Variants in LYPLA1 observed in about 807,000 individuals in gnomAD.
LYPLA1 encodes the protein acyl-protein thioesterase 1.
A neutral mutation model predicts 34.0 loss-of-function variants in LYPLA1; 17 were observed. The observed-to-expected ratio is 0.50, with a 90% CI of 0.34 to 0.75. LYPLA1 has a LOEUF of 0.75. Among genes scored for constraint, LYPLA1 ranks in the 30% least tolerant of loss-of-function variants. LYPLA1 has a pLI of 0.01. For missense variants in LYPLA1, 203 were observed against 288.8 expected (o/e 0.70, Z 2.15); for synonymous variants, 98 against 100.8 (o/e 0.97, Z 0.17).
intron 2 of LYPLA1, among the ~76,000 whole-genome samples, chr8:54,092,068 T>C (rs1809320827): frequency 6.7e-6 from 1 of 149,364 alleles, no homozygotes. Flanking sequence ...AGAGACCCTG[T>C]CGAAGCAAGG....
chr8:54,090,613 T>C (rs565399108), intron 2 of LYPLA1, among the ~76,000 whole-genome samples: 4 of 152,314 alleles, frequency 2.6e-5, no homozygotes, highest in South Asian at 4.1e-4. Context: ...AATGCTGGTA[T>C]ATCCAGTGCA....
intron 7 of LYPLA1, among the ~76,000 whole-genome samples, chr8:54,051,944 G>A (rs1329222226): frequency 6.6e-6 from 1 of 151,090 alleles, no homozygotes; most frequent in Non-Finnish European, 1.5e-5. Flanking sequence ...TCCACCTCCT[G>A]GGTTCAAGTG....
At chr8:54,051,259 T>C (rs1226454059) in intron 7 of LYPLA1, 71 bp from the exon 8 acceptor site, 5 of 1,327,520 alleles carry the variant, frequency 3.8e-6, no homozygotes, top group African/African-American at 3.0e-5. Context: ...GCATTTAAAA[T>C]TGTACATAAA....
chr8:54,087,549 G>A (rs1563653105), intron 2 of LYPLA1, among the ~76,000 whole-genome samples: 1 of 152,230 alleles, frequency 6.6e-6, no homozygotes, highest in Non-Finnish European at 1.5e-5. Flanking sequence ...CTGTTGTGCT[G>A]CAAAACATAC....
intron 6 of LYPLA1, among the ~76,000 whole-genome samples, chr8:54,054,196 T>A (rs762941848): frequency 2.6e-5 from 4 of 152,176 alleles, no homozygotes; most frequent in Non-Finnish European, 4.4e-5. Context: ...TTGGCTGGGC[T>A]GGTCTCGAAC....
At chr8:54,060,958 G>A (rs1484698174) in intron 5 of LYPLA1, among the ~76,000 whole-genome samples, 1 of 151,944 alleles carries the variant, frequency 6.6e-6, no homozygotes, top group South Asian at 2.1e-4. Context: ...GCCTCTCAAA[G>A]TGCTGGGGTT....
chr8:54,055,089 T>C lies in LYPLA1; in HGVS notation c.331A>G (p.Asn111Asp), dbSNP rs753949393. The change falls in exon 6 of 9, where the codon AAC (asparagine) becomes GAC (aspartate). Residue 111 changes from asparagine to aspartate, a missense_variant. Around this residue, in one of 3 missense-constraint regions of LYPLA1, gnomAD observed 123 missense variants for 199.2 expected, o/e 0.62. Coordinates refer to ENST00000316963, the MANE Select transcript of LYPLA1 (RefSeq NM_006330.4). ...GAAAACCCTCCCAAAATAATTCTGTTAGAAGGAATGCCATTCTTCACTTCT... is the reference window on the plus strand; with the variant it reads ...GAAAACCCTCCCAAAATAATTCTGTCAGAAGGAATGCCATTCTTCACTTCT... ...DQEVKNGIPS[N>D]RIILGGFSQG... 6.2e-7 allele frequency: 1 copy of C among 1,610,050 alleles called. No homozygotes were observed. Among genetic ancestry groups the C allele is most frequent in the Non-Finnish European group, 8.5e-7 (1 of 1,176,902 alleles).
At chr8:54,046,342 A>G (rs1363378668), downstream of LYPLA1, 2 of 152,614 alleles carry the variant, frequency 1.3e-5, no homozygotes, top group African/African-American at 4.8e-5. Context: ...AAATGTTAAC[A>G]TTCCAAATAT....
intron 2 of LYPLA1, among the ~76,000 whole-genome samples, chr8:54,079,954 A>G (rs1280588267): frequency 6.6e-6 from 1 of 152,146 alleles, no homozygotes; most frequent in East Asian, 1.9e-4. Flanking sequence ...TTCTAAGTAT[A>G]TCGTTACTAT....
intron 5 of LYPLA1, among the ~76,000 whole-genome samples, chr8:54,056,742 G>T (rs530828086): frequency 6.6e-6 from 1 of 152,088 alleles, no homozygotes; most frequent in Non-Finnish European, 1.5e-5. Flanking sequence ...GTGAAACCCC[G>T]TATCTACTAC....
intron 8 of LYPLA1, 124 bp downstream of exon 8, chr8:54,050,888 T>C: frequency 2.0e-6 from 2 of 1,001,034 alleles, no homozygotes; most frequent in Non-Finnish European, 3.0e-6. Context: ...TAATGACTGC[T>C]AACTTATGAC....
At chr8:54,054,092 T>C (rs1033218102) in intron 6 of LYPLA1, among the ~76,000 whole-genome samples, 1 of 152,182 alleles carries the variant, frequency 6.6e-6, no homozygotes, top group Non-Finnish European at 1.5e-5. Flanking sequence ...GTGATTTTCC[T>C]GCTTCAGCCT....
chr8:54,073,317 G>T (rs985745819), intron 2 of LYPLA1: 3 of 866,488 alleles, frequency 3.5e-6, no homozygotes, highest in African/African-American at 1.6e-5. Context: ...TCTATGGACG[G>T]AACTGTGAGC....
At chr8:54,098,970 T>C (rs1809900494) in intron 2 of LYPLA1, among the ~76,000 whole-genome samples, 1 of 152,242 alleles carries the variant, frequency 6.6e-6, no homozygotes, top group South Asian at 2.1e-4. Flanking sequence ...ACCTTTGTTT[T>C]TTCTTTTATC....
chr8:54,052,822 C>A, intron 6 of LYPLA1, 66 bp from the exon 7 acceptor site: 2 of 957,016 alleles, frequency 2.1e-6, no homozygotes, highest in Non-Finnish European at 1.7e-6. Context: ...TAGGGAATAT[C>A]TTGTTACTAA....
rs556665219 is a variant in LYPLA1 at position 54,085,440 on chromosome 8, G to A, written c.101+15468C>T. ...AGGAAGTGAGAAGTGTCTCTGCCCC[G>A]CCGCCCATCGTCTGGGATGTGAGGA... On this transcript the variant is annotated intron_variant, in intron 2 of 8. Transcript: ENST00000316963. Among the ~76,000 whole-genome samples, 750 of 152,254 alleles carry A rather than the reference G, an allele frequency of 4.9e-3. 3 individuals are homozygous for A. Among genetic ancestry groups the A allele is most frequent in the African/African-American group, 0.016 (655 of 41,558 alleles).
intron 8 of LYPLA1, among the ~76,000 whole-genome samples, chr8:54,050,616 C>T (rs1331792131): frequency 6.6e-6 from 1 of 152,196 alleles, no homozygotes; most frequent in East Asian, 1.9e-4. Context: ...GGTCTCAGTG[C>T]CTCCTAAGAT....
intron 2 of LYPLA1, among the ~76,000 whole-genome samples, chr8:54,070,698 G>A (rs1463988653): frequency 6.6e-6 from 1 of 152,156 alleles, no homozygotes; most frequent in East Asian, 1.9e-4. Flanking sequence ...ACTCCAGCCT[G>A]GGCGGCAGAG....
At chr8:54,078,886 C>CTTT (rs749362463) in intron 2 of LYPLA1, among the ~76,000 whole-genome samples, 36 of 148,542 alleles carry the variant, frequency 2.4e-4, no homozygotes, top group African/African-American at 8.1e-4. Context: ...CAACCCCCCC[C>CTTT]CTTTTTTTTT....
Sources: gnomAD v4.1 joint callset for allele counts (sites outside exome capture counted in the v4.1 genomes callset) on GRCh38, gnomAD v4.1.1 for gene constraint, gnomAD v4.1.1 regional missense constraint, MANE v1.5 for transcripts, NCBI Gene and HGNC (gene_info 2026-07-23, HGNC 2026-07-21) for gene names.